PDXDC1: variants seen among roughly 807,000 people sequenced by gnomAD.
The protein encoded by PDXDC1 is pyridoxal dependent decarboxylase domain containing 1, also known as pyridoxal-dependent decarboxylase domain-containing protein 1.
A neutral mutation model predicts 100.1 loss-of-function variants in PDXDC1; 42 were observed. The ratio of observed to expected loss-of-function variants is 0.42; its 90% CI spans 0.33 to 0.54. PDXDC1 has a LOEUF of 0.54. Among genes scored for constraint, PDXDC1 ranks in the 20% least tolerant of loss-of-function variants. The probability of loss-of-function intolerance (pLI) is 0.10; values close to 1 mark genes in which losing one functional copy is unlikely to be tolerated. For synonymous variants in PDXDC1, 260 were observed against 371.7 expected (o/e 0.70, Z 3.46); for missense variants, 636 against 979.2 (o/e 0.65, Z 4.68).
chr16:15,034,115 A>G (rs546525256), intron 19 of PDXDC1, 171 bp from the exon 20 acceptor site: 179 of 616,978 alleles, frequency 2.9e-4, no homozygotes, highest in African/African-American at 2.9e-3. Flanking sequence ...CTAGGCCTCT[A>G]TGAGCATGTT....
At chr16:15,044,385 C>T in intron 16 of PDXDC1, 2 of 1,613,402 alleles carry the variant, frequency 1.2e-6, no homozygotes, top group South Asian at 1.1e-5. Context: ...TCACTGAAGC[C>T]TCCAACAAGG....
At chr16:15,016,736 C>CTATT (rs2041823643) in intron 9 of PDXDC1, among the ~76,000 whole-genome samples, 1 of 152,294 alleles carries the variant, frequency 6.6e-6, no homozygotes, top group Non-Finnish European at 1.5e-5. Flanking sequence ...CCCTGGAAGG[C>CTATT]TATTGTAGGG....
Position 15,087,431 on chromosome 16 carries a change from G to A in PDXDC1, c.1400-51448G>A, listed in dbSNP as rs971016881. Among the ~76,000 whole-genome samples the A allele has an allele frequency of 5.9e-5, 9 of 152,286 alleles. No individual in the cohort carries two copies. The South Asian group carries it at 6.2e-4, about 11-fold the overall frequency. ...CCAGTAAAGAAGCAGGTCCAAACCC[G>A]TCTGTCTCGGTCAAGGCTATCCTCT... On this transcript the variant is annotated intron_variant, in intron 16 of 16. Transcript: ENST00000535621.
chr16:15,147,335 A>C, the PDXDC1 span, among the ~76,000 whole-genome samples: 3 of 152,196 alleles, frequency 2.0e-5, no homozygotes, highest in Non-Finnish European at 2.9e-5. Context: ...GTGCGGCTGC[A>C]GGGGTCTGCC....
chr16:15,066,938 G>GCA (rs1459614972), intron 16 of PDXDC1, among the ~76,000 whole-genome samples: 25 of 151,894 alleles, frequency 1.6e-4, no homozygotes, highest in African/African-American at 5.8e-4. Context: ...TGGACCAGAT[G>GCA]GTTCACAAAT....
intron 16 of PDXDC1, among the ~76,000 whole-genome samples, chr16:15,129,102 G>A (rs1224206432): frequency 6.6e-6 from 1 of 151,816 alleles, no homozygotes; most frequent in African/African-American, 2.4e-5. Flanking sequence ...ACCGCGCCCG[G>A]CCGACAGTTT....
intron 1 of PDXDC1, among the ~76,000 whole-genome samples, chr16:14,980,182 G>T (rs575700087): frequency 6.6e-6 from 1 of 152,294 alleles, no homozygotes; most frequent in Non-Finnish European, 1.5e-5. Context: ...CAGAGCTATT[G>T]ATGGTCCCAT....
intron 16 of PDXDC1, among the ~76,000 whole-genome samples, chr16:15,114,927 ATTTTT>A (rs1317983458): frequency 1.9e-5 from 1 of 52,440 alleles, no homozygotes; most frequent in African/African-American, 4.7e-5. Flanking sequence ...AAAAAAAAAA[ATTTTT>A]TTTTTTTTTT....
intron 5 of PDXDC1, among the ~76,000 whole-genome samples, chr16:15,005,393 C>T (rs1323473053): frequency 6.6e-6 from 1 of 152,188 alleles, no homozygotes; most frequent in African/African-American, 2.4e-5. Flanking sequence ...ATAATCCTGG[C>T]AGTACTAAGG....
chr16:15,117,595 A>C (rs1408131550), intron 16 of PDXDC1, among the ~76,000 whole-genome samples: 1 of 149,332 alleles, frequency 6.7e-6, no homozygotes, highest in Non-Finnish European at 1.5e-5. Context: ...TGAGAGGCTG[A>C]GGCAGGGGAA....
chr16:15,031,639 C>T (rs2043071147), intron 16 of PDXDC1, 96 bp from the exon 17 acceptor site: 20 of 1,055,948 alleles, frequency 1.9e-5, no homozygotes, highest in East Asian at 9.6e-5. Flanking sequence ...TGGAGTACCT[C>T]GAGCTTTTGA....
At chr16:15,111,474 A>T (rs1221170143) in intron 16 of PDXDC1, among the ~76,000 whole-genome samples, 2 of 141,598 alleles carry the variant, frequency 1.4e-5, no homozygotes, top group African/African-American at 2.5e-5. Context: ...AAAAAAAAAA[A>T]ATAGGCCAGG....
At chr16:15,002,502 ACTTTCTC>A (rs1973371392) in intron 4 of PDXDC1, among the ~76,000 whole-genome samples, 2 of 152,294 alleles carry the variant, frequency 1.3e-5, no homozygotes, top group Non-Finnish European at 2.9e-5. Context: ...ATGCACAGGA[ACTTTCTC>A]CTTTGTCAGA....
At chr16:15,133,240 G>C (rs941547321) in intron 16 of PDXDC1, 4 of 1,440,666 alleles carry the variant, frequency 2.8e-6, no homozygotes, top group Non-Finnish European at 3.8e-6. Context: ...GCAGATGTGA[G>C]GTCCCCTGCC....
chr16:15,011,563 G>A (rs1194914146), intron 8 of PDXDC1, among the ~76,000 whole-genome samples: 1 of 150,774 alleles, frequency 6.6e-6, no homozygotes, highest in Non-Finnish European at 1.5e-5. Flanking sequence ...TTAGCTGTTT[G>A]AAAGCCCCTA....
chr16:15,093,058 C>T (rs1236912194), intron 16 of PDXDC1, among the ~76,000 whole-genome samples: 2 of 151,960 alleles, frequency 1.3e-5, no homozygotes, highest in South Asian at 2.1e-4. Context: ...GGCTGGAGTG[C>T]AGTGGTGTGA....
At chr16:15,088,111 C>T (rs948840674) in intron 16 of PDXDC1, among the ~76,000 whole-genome samples, 17 of 151,316 alleles carry the variant, frequency 1.1e-4, no homozygotes, top group South Asian at 8.3e-4. Context: ...AGCAAAACTC[C>T]GTCTCAAAAA....
intron 3 of PDXDC1, among the ~76,000 whole-genome samples, chr16:15,001,198 TA>T (rs1161953421): frequency 2.6e-5 from 4 of 151,884 alleles, no homozygotes; most frequent in African/African-American, 7.2e-5. Context: ...CTACCAAAAA[TA>T]AAAAAACGGC....
chr16:15,025,175 C>G (rs2042495344), intron 13 of PDXDC1: 1 of 152,330 alleles, frequency 6.6e-6, no homozygotes, highest in African/African-American at 2.4e-5. Context: ...TTCACTCAGT[C>G]TATCACGTTA....
Sources: gnomAD v4.1 joint callset for allele counts (sites outside exome capture counted in the v4.1 genomes callset) on GRCh38, gnomAD v4.1.1 for gene constraint, MANE v1.5 for transcripts, NCBI Gene and HGNC (gene_info 2026-07-23, HGNC 2026-07-21) for gene names.